The following NRP1 variants were observed in gnomAD, a reference collection of about 807,000 sequenced individuals.
NRP1 encodes the protein neuropilin-1.
A neutral mutation model predicts 106.7 loss-of-function variants in NRP1; 35 were observed. The observed-to-expected ratio is 0.33, with a 90% CI of 0.25 to 0.43. The LOEUF (loss-of-function observed/expected upper bound fraction) is 0.43, where lower values mean the gene tolerates loss of function less well. Ranked by LOEUF, NRP1 falls within the 20% of genes least tolerant of loss-of-function variation. NRP1 has a pLI of 1.00. For synonymous variants in NRP1, 437 were observed against 417.9 expected (o/e 1.05, Z -0.56); for missense variants, 1,024 against 1,170.4 (o/e 0.87, Z 1.83).
rs35691858 is a variant in NRP1 at position 33,222,498 on chromosome 10, G to GATTTATTT, written c.1138-643_1138-636dup. ...AGTTTTTCCAGGGCTTGTGCGTCAA[G>GATTTATTT]ATTTATTTATTTATTTATTTATTTA... On this transcript the variant is annotated intron_variant, in intron 7 of 16. Coordinates refer to ENST00000374867, the MANE Select transcript of NRP1 (RefSeq NM_003873.7). Among the ~76,000 whole-genome samples, 270 of 104,046 alleles carry GATTTATTT rather than the reference G, an allele frequency of 2.6e-3. 3 individuals are homozygous for GATTTATTT. Among genetic ancestry groups the GATTTATTT allele is most frequent in the East Asian group, 5.1e-3 (6 of 1,184 alleles). 68.3% of individuals were successfully genotyped at this position (104,046 alleles called of 152,430 possible). A position where few individuals can be genotyped will look rare whatever the true frequency, so the allele number is the denominator to read the frequency against.
chr10:33,264,383 T>A (rs1842778833), intron 3 of NRP1, among the ~76,000 whole-genome samples: 1 of 152,180 alleles, frequency 6.6e-6, no homozygotes, highest in Admixed American at 6.5e-5. Flanking sequence ...AAACGAAATG[T>A]GAAAGGTAAT....
intron 4 of NRP1, among the ~76,000 whole-genome samples, chr10:33,258,483 A>G (rs538326366): frequency 6.6e-6 from 1 of 152,290 alleles, no homozygotes; most frequent in Non-Finnish European, 1.5e-5. Flanking sequence ...CATGAAGAAA[A>G]TGAGGAGGAT....
Position 33,202,566 on chromosome 10 carries a change from T to TGGC in NRP1, c.1864+324_1864+325insGCC, listed in dbSNP as rs1270931731. The TGGC allele has an allele frequency of 8.0e-6, 10 of 1,246,806 alleles. 1 individual carries two copies. The South Asian group carries it at 8.5e-5, about 11-fold the overall frequency. The allele number at this position is 1,246,806 out of a possible 1,614,324, so 77.2% of individuals were successfully genotyped here. ...TTACGTAGGGGTGGTGCACGTGTTA[T>TGGC]TGGGGGGGGGTCTGAAAATAATGAA... is the stretch of plus-strand genomic sequence containing the variant. On this transcript the variant is annotated intron_variant, in intron 11 of 16. Coordinates refer to ENST00000374867, the MANE Select transcript of NRP1 (RefSeq NM_003873.7).
At chr10:33,265,002 C>G (rs772068518) in intron 3 of NRP1, among the ~76,000 whole-genome samples, 17 of 151,988 alleles carry the variant, frequency 1.1e-4, no homozygotes, top group Non-Finnish European at 1.8e-4. Context: ...CCCAGCTACC[C>G]AAGAGGCTGA....
intron 10 of NRP1, among the ~76,000 whole-genome samples, chr10:33,203,836 G>A (rs1837547963): frequency 8.0e-6 from 1 of 125,178 alleles, no homozygotes; most frequent in South Asian, 3.0e-4. Context: ...TGCTTCCCGG[G>A]TTCACGCCAT....
intron 7 of NRP1, among the ~76,000 whole-genome samples, chr10:33,223,963 C>T (rs527258166): frequency 1.7e-4 from 26 of 152,150 alleles, no homozygotes; most frequent in African/African-American, 5.8e-4. Flanking sequence ...TGCTGAAAAT[C>T]ATGTTTTATA....
At chr10:33,207,074 G>A (rs1025792140) in intron 10 of NRP1, among the ~76,000 whole-genome samples, 17 of 152,164 alleles carry the variant, frequency 1.1e-4, no homozygotes, top group Non-Finnish European at 4.4e-5. Flanking sequence ...ACTGCGGACC[G>A]AAACTGGATC....
rs144845941 is a variant in NRP1 at position 33,184,731 on chromosome 10, C to T, written c.2431+897G>A. On this transcript the variant is annotated intron_variant, in intron 15 of 16. Coordinates refer to ENST00000374867, the MANE Select transcript of NRP1 (RefSeq NM_003873.7). ...CTCCTTTCTTTTTGCCCAATTTCTT[C>T]GATGGATCCTATCAAATTATTGCCG... Among the ~76,000 whole-genome samples, 561 of 152,172 alleles carry T rather than the reference C, an allele frequency of 3.7e-3. 2 individuals are homozygous for T. Among genetic ancestry groups the T allele is most frequent in the Non-Finnish European group, 6.3e-3 (430 of 68,014 alleles).
At chr10:33,317,102 C>T (rs886889826) in intron 2 of NRP1, among the ~76,000 whole-genome samples, 35 of 152,346 alleles carry the variant, frequency 2.3e-4, no homozygotes, top group Admixed American at 7.8e-4. Context: ...AGGCCCATAA[C>T]AGTCCCACAA....
intron 1 of NRP1, 27 bp downstream of exon 1, chr10:33,334,283 T>A (rs1848480390): frequency 6.5e-7 from 1 of 1,534,676 alleles, no homozygotes; most frequent in South Asian, 1.2e-5. Flanking sequence ...GGCGCCGCTG[T>A]CACCCGCGCC....
chr10:33,272,482 A>T (rs1843375880), intron 2 of NRP1, among the ~76,000 whole-genome samples: 2 of 152,154 alleles, frequency 1.3e-5, no homozygotes, highest in Non-Finnish European at 2.9e-5. Flanking sequence ...AAAGAAGACA[A>T]AAGTGAAGGA....
chr10:33,248,234 G>A (rs947530226), intron 6 of NRP1, among the ~76,000 whole-genome samples: 4 of 152,124 alleles, frequency 2.6e-5, no homozygotes, highest in Admixed American at 6.5e-5. Context: ...AGGTTGCAGC[G>A]AGCCAAGATC....
chr10:33,188,518 A>G (rs1836174067), intron 13 of NRP1, among the ~76,000 whole-genome samples: 1 of 152,070 alleles, frequency 6.6e-6, no homozygotes, highest in African/African-American at 2.4e-5. Context: ...GAGATGCCAG[A>G]TTTCAAGAAT....
chr10:33,207,655 G>T lies in NRP1; in HGVS notation c.1676C>A (p.Thr559Lys). ...CTCGGGGTAGATCCTGATGAATCGC[G>T]TGGAGAGAGCTGGAAAAGTCCGCAG... The part of the protein sequence containing the change: ...PELRTFPALS[T>K]RFIRIYPERA... Residue 559 changes from threonine to lysine, a missense_variant, in exon 10 of 17, where the codon ACG becomes AAG. Around this residue, in one of 5 missense-constraint regions of NRP1, gnomAD observed 562 missense variants for 620.3 expected, o/e 0.91. Transcript: ENST00000374867. 1 of 1,614,098 alleles carries T rather than the reference G, an allele frequency of 6.2e-7. No individual in the cohort carries two copies. Among genetic ancestry groups the T allele is most frequent in the South Asian group, 1.1e-5 (1 of 91,070 alleles).
intron 11 of NRP1, among the ~76,000 whole-genome samples, chr10:33,199,536 C>A (rs1424883752): frequency 1.3e-5 from 2 of 150,552 alleles, no homozygotes; most frequent in Non-Finnish European, 3.0e-5. Context: ...AGCCACCATG[C>A]CCAGCCAAAA....
chr10:33,203,759 A>G (rs1179484455), intron 10 of NRP1, among the ~76,000 whole-genome samples: 2 of 58,106 alleles, frequency 3.4e-5, no homozygotes, highest in African/African-American at 1.1e-4. Context: ...TTTGAGACGG[A>G]GTCTCGCTCT....
chr10:33,322,140 T>C (rs1349468837), intron 2 of NRP1, among the ~76,000 whole-genome samples: 1 of 152,126 alleles, frequency 6.6e-6, no homozygotes, highest in Non-Finnish European at 1.5e-5. Flanking sequence ...TGGAAGGGAA[T>C]GTGGCCTTCT....
At chr10:33,318,836 G>A (rs1045274887) in intron 2 of NRP1, among the ~76,000 whole-genome samples, 14 of 149,428 alleles carry the variant, frequency 9.4e-5, no homozygotes, top group African/African-American at 3.4e-4. Context: ...GCACAGCTTT[G>A]GTAATATAAG....
At chr10:33,245,945 G>A (rs537977984) in intron 6 of NRP1, among the ~76,000 whole-genome samples, 6 of 152,054 alleles carry the variant, frequency 3.9e-5, no homozygotes, top group Non-Finnish European at 8.8e-5. Context: ...GAACAGTGGT[G>A]GTTCTCGAAG....
Sources: gnomAD v4.1 joint callset for allele counts (sites outside exome capture counted in the v4.1 genomes callset) on GRCh38, gnomAD v4.1.1 for gene constraint, gnomAD v4.1.1 regional missense constraint, MANE v1.5 for transcripts, NCBI Gene and HGNC (gene_info 2026-07-23, HGNC 2026-07-21) for gene names.